FSCN1: variants seen among roughly 807,000 people sequenced by gnomAD.
FSCN1 encodes the protein fascin.
In FSCN1, 10 loss-of-function variants were observed where a neutral mutation model predicts 39.7. The observed-to-expected ratio is 0.25, with a 90% CI of 0.16 to 0.43. The LOEUF is 0.43. Among genes scored for constraint, FSCN1 ranks in the 20% least tolerant of loss-of-function variants. The pLI, the probability that FSCN1 is intolerant of heterozygous loss-of-function variation, is 1.00. For synonymous variants in FSCN1, 322 were observed against 320.0 expected, an observed-to-expected ratio of 1.01 and a Z score of -0.07; for missense variants, 525 against 723.8, an observed-to-expected ratio of 0.73 and a Z score of 3.15.
intron 1 of FSCN1, among the ~76,000 whole-genome samples, chr7:5,598,294 C>T (rs1425524653): frequency 6.6e-6 from 1 of 152,224 alleles, no homozygotes; most frequent in Non-Finnish European, 1.5e-5. Flanking sequence ...GGATTGAACG[C>T]AACAGGCTGA....
At chr7:5,604,053 G>C (rs569211381) in intron 4 of FSCN1, 23 bp downstream of exon 4, 2 of 1,609,046 alleles carry the variant, frequency 1.2e-6, no homozygotes, top group African/African-American at 2.7e-5. Flanking sequence ...GTGGGCAGCT[G>C]CTGGGCAGGG....
chr7:5,601,299 T>A (rs1785826885), intron 1 of FSCN1, among the ~76,000 whole-genome samples: 1 of 147,856 alleles, frequency 6.8e-6, no homozygotes, highest in South Asian at 2.1e-4. Context: ...GCCTCCCAGG[T>A]TCAAGTGATT....
chr7:5,598,551 G>A (rs1414166011), intron 1 of FSCN1, among the ~76,000 whole-genome samples: 6 of 152,230 alleles, frequency 3.9e-5, no homozygotes, highest in African/African-American at 1.4e-4. Flanking sequence ...TTCCAGGCGG[G>A]CTGGTAAGCG....
chr7:5,593,256 C>G lies in FSCN1; in HGVS notation c.320C>G (p.Ala107Gly), dbSNP rs758856457. ...DDGRWSLQSE[A>G]HRRYFGGTED... The stretch of plus-strand genomic sequence containing the variant: ...GGTCGCTGGTCGCTGCAGTCCGAGG[C>G]GCACCGGCGCTACTTCGGCGGCACC... The change falls in exon 1 of 5, where the codon GCG becomes GGG. Residue 107 changes from alanine (A) to glycine (G), a missense_variant. By Grantham distance (60) the Ala-to-Gly change is moderately conservative. This residue lies in a region of FSCN1 where 246 missense variants were observed against 350.6 expected (regional missense o/e 0.70). Coordinates refer to ENST00000382361, the MANE Select transcript of FSCN1 (RefSeq NM_003088.4). 9 of 1,608,942 alleles carry G rather than the reference C, an allele frequency of 5.6e-6. No individual in the cohort carries two copies. Among genetic ancestry groups the G allele is most frequent in the Non-Finnish European group, 5.9e-6 (7 of 1,178,836 alleles).
chr7:5,594,054 C>CA (rs1176723900), intron 1 of FSCN1: 2 of 414,572 alleles, frequency 4.8e-6, no homozygotes, highest in Admixed American at 4.3e-5. Flanking sequence ...AACCCCCCCC[C>CA]CCGCCCAATC....
intron 1 of FSCN1, among the ~76,000 whole-genome samples, chr7:5,597,123 A>T (rs919672519): frequency 7.1e-6 from 1 of 141,480 alleles, no homozygotes; most frequent in African/African-American, 2.8e-5. Context: ...AGGAGGGAAG[A>T]TGGCTTCGGC....
chr7:5,604,126 C>G (rs2128550241), intron 4 of FSCN1, 96 bp downstream of exon 4: 2 of 1,217,644 alleles, frequency 1.6e-6, no homozygotes, highest in Non-Finnish European at 2.3e-6. Flanking sequence ...ACACTGGACC[C>G]TGGCTTGGCT....
In FSCN1 at chr7:5,603,835, C is replaced by T. The variant is rs1303274850; in HGVS notation, c.1112-28C>T. On this transcript the variant is annotated intron_variant, in intron 3 of 4. Coordinates refer to ENST00000382361, the MANE Select transcript of FSCN1 (RefSeq NM_003088.4). This position sits in a 1 kb window ranked among gnomAD's most constrained non-coding sequence, Gnocchi z 8.5. ...CTCCACCCCACTCCCTGCCAGGAGG[C>T]TCACTGACTCCCCTCTTTCTGGGAC... is the stretch of plus-strand genomic sequence containing the variant. 6.2e-7 allele frequency: 1 copy of T among 1,605,516 alleles called. No individual in the cohort carries two copies. Among genetic ancestry groups the T allele is most frequent in the South Asian group, 1.1e-5 (1 of 90,562 alleles).
In FSCN1 at chr7:5,606,040, C is replaced by T. The variant is rs1160305347; in HGVS notation, c.*566C>T. On this transcript the variant is annotated 3_prime_UTR_variant, in exon 5 of 5. Transcript: ENST00000382361. The surrounding 1 kb of genome is among the most constrained non-coding windows in gnomAD (Gnocchi z 5.1). The stretch of plus-strand genomic sequence containing the variant: ...TTTGGGTGGTGGCTGGAAACAGCCC[C>T]TCTCCCACGTGGCAGAGGCTCAGCC... 6.6e-6 allele frequency: 1 copy of T among 152,370 alleles called. No individual in the cohort carries two copies. The highest frequency in any genetic ancestry group is 1.5e-5 in the Non-Finnish European group (1 of 68,232). The allele number at this position is 152,370 out of a possible 1,614,324, so 9.4% of individuals were successfully genotyped here. A position where few individuals can be genotyped will look rare whatever the true frequency, so the allele number is the denominator to read the frequency against.
In FSCN1 at chr7:5,603,973, C is replaced by T. The variant is rs753718505; in HGVS notation, c.1222C>T (p.Arg408Cys). The T allele has an allele frequency of 3.1e-6, 5 of 1,613,900 alleles. No individual in the cohort carries two copies. In the Admixed American group the frequency reaches 5.0e-5, roughly 16 times the overall value. ...RKVTGTLDAN[R>C]SSYDVFQLEF... ...GGTCACGGGCACCCTGGACGCCAAC[C>T]GCTCCAGCTATGACGTCTTCCAGCT... Residue 408 changes from arginine to cysteine, a missense_variant, in exon 4 of 5, where the codon CGC (arginine) becomes TGC (cysteine). Physicochemically the swap from Arg to Cys is radical, Grantham distance 180. Coordinates refer to ENST00000382361, the MANE Select transcript of FSCN1 (RefSeq NM_003088.4). The surrounding 1 kb of genome is among the most constrained non-coding windows in gnomAD (Gnocchi z 8.5).
intron 1 of FSCN1, among the ~76,000 whole-genome samples, chr7:5,595,614 G>T (rs149305729): frequency 2.6e-5 from 4 of 152,210 alleles, no homozygotes; most frequent in African/African-American, 9.6e-5. Context: ...GGTATGGGGG[G>T]GGTGCTGTGT....
Position 5,603,552 on chromosome 7 carries a change from C to T in FSCN1, c.1046C>T (p.Ala349Val), listed in dbSNP as rs754279900. The T allele has an allele frequency of 1.2e-6, 2 of 1,614,100 alleles. No homozygotes were observed. The highest frequency in any genetic ancestry group is 1.7e-6 in the Non-Finnish European group (2 of 1,179,978). Reference protein sequence around the residue: ...EWRDRRITLRASNGKFVTSKK... With the variant: ...EWRDRRITLRVSNGKFVTSKK... ...CGTGACCGGCGCATCACACTGAGGGCGTCCAATGGCAAGTTTGTGACCTCC... is the reference window on the plus strand; with the variant it reads ...CGTGACCGGCGCATCACACTGAGGGTGTCCAATGGCAAGTTTGTGACCTCC... The change falls in exon 3 of 5, where the codon GCG becomes GTG. Residue 349 changes from alanine (A) to valine (V), a missense_variant. Transcript: ENST00000382361. The surrounding 1 kb of genome is among the most constrained non-coding windows in gnomAD (Gnocchi z 8.5).
chr7:5,593,180 C>G lies in FSCN1; in HGVS notation c.244C>G (p.Arg82Gly), dbSNP rs747641281. 1.2e-6 allele frequency: 2 copies of G among 1,602,310 alleles called. No individual in the cohort carries two copies. The highest frequency in any genetic ancestry group is 2.2e-5 in the South Asian group (2 of 89,890). The part of the protein sequence containing the change: ...ADKDGNVTCE[R>G]EVPGPDCRFL... ...CAAGGACGGCAACGTGACCTGCGAG[C>G]GCGAGGTGCCCGGTCCCGACTGCCG... The change falls in exon 1 of 5, where the codon CGC (arginine) becomes GGC (glycine). Residue 82 changes from arginine to glycine, a missense_variant. Coordinates refer to ENST00000382361, the MANE Select transcript of FSCN1 (RefSeq NM_003088.4).
chr7:5,596,354 G>T (rs1463274938), intron 1 of FSCN1, among the ~76,000 whole-genome samples: 1 of 152,204 alleles, frequency 6.6e-6, no homozygotes, highest in Non-Finnish European at 1.5e-5. Context: ...TTTGAAAAAC[G>T]CTGCGCCCTG....
chr7:5,603,435 G>A lies in FSCN1; in HGVS notation c.989+22G>A. On this transcript the variant is annotated intron_variant, in intron 2 of 4. Transcript: ENST00000382361. This position sits in a 1 kb window ranked among gnomAD's most constrained non-coding sequence, Gnocchi z 8.5. Reference sequence around the variant, plus strand: ...GCAAGTGAGTGCCTCGCTCCCACCTGTCACCGCCCCCACCACCTTGCCTGG... The same window carrying A: ...GCAAGTGAGTGCCTCGCTCCCACCTATCACCGCCCCCACCACCTTGCCTGG... The A allele has an allele frequency of 6.2e-7, 1 of 1,613,750 alleles. No homozygotes were observed. Among genetic ancestry groups the A allele is most frequent in the Non-Finnish European group, 8.5e-7 (1 of 1,179,946 alleles).
chr7:5,603,073 C>G lies in FSCN1; in HGVS notation c.833-184C>G, dbSNP rs754684189. The G allele has an allele frequency of 4.2e-5, 27 of 640,986 alleles. No individual in the cohort carries two copies. The highest frequency in any genetic ancestry group is 7.1e-5 in the Non-Finnish European group (26 of 368,248). The allele number at this position is 640,986 out of a possible 1,614,324, so 39.7% of individuals were successfully genotyped here. ...AGATGTAGCTTGCCTTGGCCTCTGA[C>G]CGGCCCTGCCTGCGTTCCTGGGTGC... On this transcript the variant is annotated intron_variant, in intron 1 of 4. Coordinates refer to ENST00000382361, the MANE Select transcript of FSCN1 (RefSeq NM_003088.4). The surrounding 1 kb of genome is among the most constrained non-coding windows in gnomAD (Gnocchi z 8.5).
intron 1 of FSCN1, among the ~76,000 whole-genome samples, chr7:5,597,538 A>G (rs908283289): frequency 2.0e-5 from 3 of 151,926 alleles, no homozygotes; most frequent in Non-Finnish European, 2.9e-5. Context: ...GTGGTGGCGC[A>G]TGCCTGTAAT....
At position 5,592,893 on chromosome 7, in the gene FSCN1, C is replaced by G. The variant is rs1372892863; in HGVS notation, c.-44C>G. The G allele has an allele frequency of 7.8e-7, 1 of 1,277,502 alleles. No individual in the cohort carries two copies. Among genetic ancestry groups the G allele is most frequent in the East Asian group, 2.7e-5 (1 of 37,728 alleles). The allele number at this position is 1,277,502 out of a possible 1,614,324, so 79.1% of individuals were successfully genotyped here. A position where few individuals can be genotyped will look rare whatever the true frequency, so the allele number is the denominator to read the frequency against. ...GGGGCGCCGCCGCAGGGACCCGCCA[C>G]CCACCTCCCGGGGCCGCGCAGCGGC... On this transcript the variant is annotated 5_prime_UTR_variant, in exon 1 of 5. Transcript: ENST00000382361. This position sits in a 1 kb window ranked among gnomAD's most constrained non-coding sequence, Gnocchi z 5.3.
At chr7:5,600,619 G>A (rs1413371245) in intron 1 of FSCN1, among the ~76,000 whole-genome samples, 3 of 150,184 alleles carry the variant, frequency 2.0e-5, no homozygotes, top group Non-Finnish European at 4.4e-5. Context: ...AGCCTCCCGA[G>A]CAGCTGGGAT....
Sources: gnomAD v4.1 joint callset for allele counts (sites outside exome capture counted in the v4.1 genomes callset) on GRCh38, gnomAD v4.1.1 for gene constraint, gnomAD v4.1.1 regional missense constraint, Gnocchi (gnomAD v3.1) non-coding constraint, MANE v1.5 for transcripts, NCBI Gene and HGNC (gene_info 2026-07-23, HGNC 2026-07-21) for gene names.